OTX2: variants seen among roughly 807,000 people sequenced by gnomAD.
The protein encoded by OTX2 is homeobox protein OTX2.
OTX2 carries 4 observed loss-of-function variants against 29.0 expected under a neutral mutation model. The observed-to-expected ratio is 0.14, with a 90% CI of 0.07 to 0.32. The LOEUF is 0.32. Ranked by LOEUF, OTX2 falls within the 10% of genes least tolerant of loss-of-function variation. OTX2 has a pLI of 1.00. For missense variants in OTX2, 298 were observed against 365.9 expected, an observed-to-expected ratio of 0.81 and a Z score of 1.51; for synonymous variants, 134 against 141.0, an observed-to-expected ratio of 0.95 and a Z score of 0.35.
chr14:56,801,719 G>A lies in OTX2; in HGVS notation c.*16C>T. ...TATATTTAAAAATCACCCACAAAAA[G>A]AGGTTCTACAGGTCTTCACAAAACC... is the stretch of plus-strand genomic sequence containing the variant. On this transcript the variant is annotated 3_prime_UTR_variant, in exon 5 of 5. Coordinates refer to ENST00000672264, the MANE Select transcript of OTX2 (RefSeq NM_021728.4). The surrounding 1 kb of genome is among the most constrained non-coding windows in gnomAD (Gnocchi z 4.2). The A allele has an allele frequency of 6.2e-7, 1 of 1,613,050 alleles. No individual in the cohort carries two copies. Among genetic ancestry groups the A allele is most frequent in the East Asian group, 2.2e-5 (1 of 44,876 alleles).
chr14:56,808,692 C>A (rs1892173259), intron 2 of OTX2, among the ~76,000 whole-genome samples: 1 of 152,130 alleles, frequency 6.6e-6, no homozygotes, highest in Non-Finnish European at 1.5e-5. Context: ...GAAATCCTGA[C>A]CCCGAAGCTC....
intron 2 of OTX2, among the ~76,000 whole-genome samples, chr14:56,807,872 T>C (rs1291268826): frequency 6.6e-6 from 1 of 152,164 alleles, no homozygotes; most frequent in African/African-American, 2.4e-5. Flanking sequence ...TCTGGAGAAC[T>C]CATACCTAGA....
chr14:56,804,177 A>G lies in OTX2; in HGVS notation c.273+11T>C, dbSNP rs371958059. 245 of 1,614,112 alleles carry G rather than the reference A, an allele frequency of 1.5e-4. No homozygotes were observed. The highest frequency in any genetic ancestry group is 2.0e-4 in the Non-Finnish European group (235 of 1,180,002). ...GATCAGGAAGGATGGTTCTGCCTGCATCTGCCCTACCTGCACCCTCGACTC... is the reference window on the plus strand; with the variant it reads ...GATCAGGAAGGATGGTTCTGCCTGCGTCTGCCCTACCTGCACCCTCGACTC... On this transcript the variant is annotated intron_variant, in intron 4 of 4. Coordinates refer to ENST00000672264, the MANE Select transcript of OTX2 (RefSeq NM_021728.4). The surrounding 1 kb of genome is among the most constrained non-coding windows in gnomAD (Gnocchi z 4.1).
chr14:56,809,676 C>G (rs1047304185), intron 2 of OTX2, among the ~76,000 whole-genome samples: 1 of 152,198 alleles, frequency 6.6e-6, no homozygotes. Flanking sequence ...CAAGGAGGCG[C>G]CTGGCTTTTT....
Position 56,804,468 on chromosome 14 carries a change from G to T in OTX2, c.98-105C>A. 1.8e-6 allele frequency: 2 copies of T among 1,126,842 alleles called. No homozygotes were observed. Among genetic ancestry groups the T allele is most frequent in the Non-Finnish European group, 2.5e-6 (2 of 805,258 alleles). 69.8% of individuals were successfully genotyped at this position (1,126,842 alleles called of 1,614,324 possible). On this transcript the variant is annotated intron_variant, in intron 3 of 4. Transcript: ENST00000672264. This position sits in a 1 kb window ranked among gnomAD's most constrained non-coding sequence, Gnocchi z 4.1. ...GTCCCCCGTTCCTCACAGCCCTTCA[G>T]CCGGGAGCCTACCAATGCTCTCCCC...
rs750626422 is a variant in OTX2, at chr14:56,801,956, C to T, written c.673G>A (p.Ala225Thr). Residue 225 changes from alanine to threonine, a missense_variant, in exon 5 of 5, where the codon GCC becomes ACC. By Grantham distance (58) the Ala-to-Thr change is moderately conservative. This residue lies in a region of OTX2 where 219 missense variants were observed against 223.5 expected (regional missense o/e 0.98). Coordinates refer to ENST00000672264, the MANE Select transcript of OTX2 (RefSeq NM_021728.4). This position sits in a 1 kb window ranked among gnomAD's most constrained non-coding sequence, Gnocchi z 4.2. ...TTGGTACCCATGGGACTGAGTGTGG[C>T]CCCTGGTCCGGGAAGCTGGTGATGC... ...PMHHQLPGPG[A>T]TLSPMGTNAV... 1.9e-6 allele frequency: 3 copies of T among 1,614,120 alleles called. No individual in the cohort carries two copies. The highest frequency in any genetic ancestry group is 1.1e-5 in the South Asian group (1 of 91,072).
intron 3 of OTX2, 47 bp downstream of exon 3, chr14:56,805,313 G>A (rs2139536989): frequency 7.9e-7 from 1 of 1,262,530 alleles, no homozygotes; most frequent in Admixed American, 1.7e-5. Context: ...TCCCCGGAGG[G>A]TGGGCATGGG....
Position 56,801,458 on chromosome 14 carries a change from GC to G in OTX2, c.*276del. 2.0e-6 allele frequency: 1 copy of G among 495,386 alleles called. No homozygotes were observed. The highest frequency in any genetic ancestry group is 2.2e-5 in the South Asian group (1 of 44,712). 30.7% of individuals were successfully genotyped at this position (495,386 alleles called of 1,614,324 possible). ...ATTTTATTTTTGGTGGTGTTTGGTTGCACATGGCTAGAATGCTTTTGATCAC... is the reference window on the plus strand; with the variant it reads ...ATTTTATTTTTGGTGGTGTTTGGTTGACATGGCTAGAATGCTTTTGATCAC... On this transcript the variant is annotated 3_prime_UTR_variant, in exon 5 of 5. Coordinates refer to ENST00000672264, the MANE Select transcript of OTX2 (RefSeq NM_021728.4). This position sits in a 1 kb window ranked among gnomAD's most constrained non-coding sequence, Gnocchi z 4.2.
chr14:56,801,723 T>C lies in OTX2; in HGVS notation c.*12A>G, dbSNP rs1891884303. On this transcript the variant is annotated 3_prime_UTR_variant, in exon 5 of 5. Coordinates refer to ENST00000672264, the MANE Select transcript of OTX2 (RefSeq NM_021728.4). This position sits in a 1 kb window ranked among gnomAD's most constrained non-coding sequence, Gnocchi z 4.2. Reference sequence around the variant, plus strand: ...TTTAAAAATCACCCACAAAAAGAGGTTCTACAGGTCTTCACAAAACCTGGA... The same window carrying C: ...TTTAAAAATCACCCACAAAAAGAGGCTCTACAGGTCTTCACAAAACCTGGA... 1 of 1,612,890 alleles carries C rather than the reference T, an allele frequency of 6.2e-7. No homozygotes were observed. Among genetic ancestry groups the C allele is most frequent in the Admixed American group, 1.7e-5 (1 of 59,992 alleles).
rs1229755388 is a variant in OTX2 at position 56,801,600 on chromosome 14, T to C, written c.*135A>G. The stretch of plus-strand genomic sequence containing the variant: ...CTCTAAGGCCCTTCGTTTTTCCTTC[T>C]ATGCCTCTCGGAACTTTGATCAGAT... On this transcript the variant is annotated 3_prime_UTR_variant, in exon 5 of 5. Coordinates refer to ENST00000672264, the MANE Select transcript of OTX2 (RefSeq NM_021728.4). The surrounding 1 kb of genome is among the most constrained non-coding windows in gnomAD (Gnocchi z 4.2). 2.9e-5 allele frequency: 30 copies of C among 1,027,262 alleles called. No individual in the cohort carries two copies. In the East Asian group the frequency reaches 6.8e-4, roughly 23 times the overall value. 63.6% of individuals were successfully genotyped at this position (1,027,262 alleles called of 1,614,324 possible).
In OTX2 at chr14:56,802,257, A is replaced by G. The variant is rs763911822; in HGVS notation, c.372T>C (p.Ser124=). Residue 124 remains serine (S), a synonymous_variant, in exon 5 of 5, where the codon TCT becomes TCC. Coordinates refer to ENST00000672264, the MANE Select transcript of OTX2 (RefSeq NM_021728.4). The surrounding 1 kb of genome is among the most constrained non-coding windows in gnomAD (Gnocchi z 4.4). ...NKVRPAKKKT[S]PAREVSSESG... ...TCTCTGAACTCACTTCCCGAGCTGG[A>G]GATGTCTTCTTTTTGGCAGGTCTCA... The G allele has an allele frequency of 1.3e-5, 21 of 1,613,980 alleles. No individual in the cohort carries two copies. In the Middle Eastern group the frequency reaches 6.6e-4, roughly 51 times the overall value.
chr14:56,807,973 AGCCCCGCAGCCCC>A (rs1892147549), intron 2 of OTX2, among the ~76,000 whole-genome samples: 1 of 63,368 alleles, frequency 1.6e-5, no homozygotes, highest in Non-Finnish European at 3.3e-5. Flanking sequence ...CCTGCCCGGC[AGCCCCGCAGCCCC>A]GCAGCCCCGC....
rs1405759099 is a variant in OTX2, at chr14:56,802,627, C to G, written c.274-272G>C. ...CCCAAATCATATAGCTAAAAACTCT[C>G]CACATCACTTTCCTATCTTATTTCG... On this transcript the variant is annotated intron_variant, in intron 4 of 4. Transcript: ENST00000672264. This position sits in a 1 kb window ranked among gnomAD's most constrained non-coding sequence, Gnocchi z 4.4. Among the ~76,000 whole-genome samples the G allele has an allele frequency of 1.3e-5, 2 of 152,172 alleles. No homozygotes were observed. The highest frequency in any genetic ancestry group is 4.8e-5 in the African/African-American group (2 of 41,440).
Position 56,804,334 on chromosome 14 carries a change from G to A in OTX2, c.127C>T (p.Pro43Ser), listed in dbSNP as rs374042850. The A allele has an allele frequency of 6.2e-7, 1 of 1,613,812 alleles. No individual in the cohort carries two copies. Among genetic ancestry groups the A allele is most frequent in the Non-Finnish European group, 8.5e-7 (1 of 1,180,032 alleles). ...GTCCTCTCCCGGCGCTGTTTCCGGGGGGTGGCTGCGGGACAAGAAGCCCAG... is the reference window on the plus strand; with the variant it reads ...GTCCTCTCCCGGCGCTGTTTCCGGGAGGTGGCTGCGGGACAAGAAGCCCAG... The part of the protein sequence containing the change: ...GPWASCPAAT[P>S]RKQRRERTTF... Residue 43 changes from proline to serine, a missense_variant, in exon 4 of 5, where the codon CCC becomes TCC. Coordinates refer to ENST00000672264, the MANE Select transcript of OTX2 (RefSeq NM_021728.4). This position sits in a 1 kb window ranked among gnomAD's most constrained non-coding sequence, Gnocchi z 4.1.
rs888968187 is a variant in OTX2, at chr14:56,800,490, C to G, written c.*1245G>C. On this transcript the variant is annotated 3_prime_UTR_variant, in exon 5 of 5. Transcript: ENST00000672264. The stretch of plus-strand genomic sequence containing the variant: ...AAACAAGATCTTGTTGTTAGGCTCT[C>G]CAAACTCAATTTCAGAGCAATCCTG... 1.3e-5 allele frequency: 2 copies of G among 152,130 alleles called. No homozygotes were observed. The highest frequency in any genetic ancestry group is 2.9e-5 in the Non-Finnish European group (2 of 68,026). 9.4% of individuals were successfully genotyped at this position (152,130 alleles called of 1,614,324 possible). A position where few individuals can be genotyped will look rare whatever the true frequency, so the allele number is the denominator to read the frequency against.
Position 56,801,663 on chromosome 14 carries a change from T to C in OTX2, c.*72A>G, listed in dbSNP as rs1891880773. On this transcript the variant is annotated 3_prime_UTR_variant, in exon 5 of 5. Transcript: ENST00000672264. The surrounding 1 kb of genome is among the most constrained non-coding windows in gnomAD (Gnocchi z 4.2). The stretch of plus-strand genomic sequence containing the variant: ...CATCCCATCTAACTCTTTTAACCAA[T>C]GCCTGGCTAAAACTGGAATGTCCAG... 2.6e-6 allele frequency: 4 copies of C among 1,515,160 alleles called. No individual in the cohort carries two copies. The highest frequency in any genetic ancestry group is 2.7e-5 in the African/African-American group (2 of 72,894). 93.9% of individuals were successfully genotyped at this position (1,515,160 alleles called of 1,614,324 possible).
chr14:56,808,924 G>T (rs1892181199), intron 2 of OTX2, among the ~76,000 whole-genome samples: 3 of 152,198 alleles, frequency 2.0e-5, no homozygotes, highest in African/African-American at 7.2e-5. Flanking sequence ...ACGCAACAAC[G>T]CGAAGACTTC....
chr14:56,806,246 G>A (rs931401807), intron 2 of OTX2, among the ~76,000 whole-genome samples: 1 of 152,088 alleles, frequency 6.6e-6, no homozygotes, highest in Non-Finnish European at 1.5e-5. Flanking sequence ...AGTCATTTCC[G>A]GTAATCATTT....
chr14:56,801,886 G>A lies in OTX2; in HGVS notation c.743C>T (p.Thr248Ile), dbSNP rs199650198. The change falls in exon 5 of 5, where the codon ACC becomes ATC. Residue 248 changes from threonine to isoleucine, a missense_variant. Thr to Ile is a moderately conservative substitution (Grantham distance 89). Transcript: ENST00000672264. The surrounding 1 kb of genome is among the most constrained non-coding windows in gnomAD (Gnocchi z 4.2). ...CAAGCTTGAAGCTCCATATCCCTGG[G>A]TGGAAAGAGAAGCTGGGGACTGATT... ...HLNQSPASLS[T>I]QGYGASSLGF... 1.2e-4 allele frequency: 193 copies of A among 1,614,088 alleles called. No homozygotes were observed. Among genetic ancestry groups the A allele is most frequent in the Non-Finnish European group, 1.6e-4 (186 of 1,180,054 alleles).
Sources: allele counts gnomAD v4.1 joint callset (sites outside exome capture counted in the v4.1 genomes callset), GRCh38; gene constraint gnomAD v4.1.1; regional missense constraint gnomAD v4.1.1; non-coding constraint Gnocchi (gnomAD v3.1); transcripts MANE v1.5; gene names NCBI Gene and HGNC (gene_info 2026-07-23, HGNC 2026-07-21).